ZNF429: variants seen among roughly 807,000 people sequenced by gnomAD.
ZNF429 encodes zinc finger protein 429.
ZNF429 carries 53 observed loss-of-function variants against 56.8 expected under a neutral mutation model. The observed-to-expected ratio is 0.93, with a 90% CI of 0.75 to 1.17. ZNF429 has a LOEUF of 1.17. Ranked by LOEUF, ZNF429 falls within the 50% of genes most tolerant of loss-of-function variation. The pLI is 0.00. For missense variants in ZNF429, 849 were observed against 788.4 expected (o/e 1.08, Z -0.92); for synonymous variants, 278 against 264.7 (o/e 1.05, Z -0.49).
rs753031122 is a variant in ZNF429, at chr19:21,537,163, A to G, written c.1110A>G (p.Lys370=). The change falls in exon 4 of 4, where the codon AAA becomes AAG. Residue 370 remains lysine, a synonymous_variant. Coordinates refer to ENST00000358491, the MANE Select transcript of ZNF429 (RefSeq NM_001001415.4). ...KVIHTGEKPY[K]CEECGKAFNQ... ...TTCATACTGGAGAGAAGCCCTACAA[A>G]TGTGAAGAATGTGGCAAAGCTTTTA... 4 of 1,613,920 alleles carry G rather than the reference A, an allele frequency of 2.5e-6. No homozygotes were observed. Among genetic ancestry groups the G allele is most frequent in the Non-Finnish European group, 3.4e-6 (4 of 1,179,976 alleles).
intron 1 of ZNF429, among the ~76,000 whole-genome samples, chr19:21,513,032 G>T (rs1599440573): frequency 1.3e-5 from 2 of 151,866 alleles, no homozygotes; most frequent in East Asian, 3.9e-4. Flanking sequence ...CACCATGCCC[G>T]GCTAATTTTT....
chr19:21,534,722 G>A, intron 3 of ZNF429, among the ~76,000 whole-genome samples: 1 of 151,824 alleles, frequency 6.6e-6, no homozygotes, highest in African/African-American at 2.4e-5. Flanking sequence ...AATACACCAG[G>A]TGCAAATAAG....
chr19:21,513,954 C>T (rs899322235), intron 1 of ZNF429, among the ~76,000 whole-genome samples: 2 of 152,176 alleles, frequency 1.3e-5, no homozygotes, highest in African/African-American at 4.8e-5. Flanking sequence ...TGTTCCTTCC[C>T]AGAAATGCAC....
At chr19:21,530,533 A>C in intron 2 of ZNF429, 56 bp from the exon 3 acceptor site, 47 of 1,296,012 alleles carry the variant, frequency 3.6e-5, no homozygotes, top group Non-Finnish European at 4.5e-5. Flanking sequence ...CACATTACTA[A>C]ATTGGTAATT....
At position 21,534,300 on chromosome 19, in the gene ZNF429, A is replaced by AAGTGATCCTTCCACCTTGGTGTCTAATGT; in HGVS notation, c.227-1980_227-1979insAGTGATCCTTCCACCTTGGTGTCTAATGT. Among the ~76,000 whole-genome samples, 339 of 111,088 alleles carry AAGTGATCCTTCCACCTTGGTGTCTAATGT rather than the reference A, an allele frequency of 3.1e-3. 1 individual carries two copies. Among genetic ancestry groups the AAGTGATCCTTCCACCTTGGTGTCTAATGT allele is most frequent in the South Asian group, 3.6e-3 (12 of 3,378 alleles). The allele number at this position is 111,088 out of a possible 152,430, so 72.9% of individuals were successfully genotyped here. On this transcript the variant is annotated intron_variant, in intron 3 of 3. Coordinates refer to ENST00000358491, the MANE Select transcript of ZNF429 (RefSeq NM_001001415.4). ...ATTTTCATATATTTTTGGATTTTCC[A>AAGTGATCCTTCCACCTTGGTGTCTAATGT]GTTTTACTTTTGCTTTTAGTTCCTA...
At chr19:21,535,485 TTTC>T in intron 3 of ZNF429, among the ~76,000 whole-genome samples, 12 of 124,388 alleles carry the variant, frequency 9.6e-5, no homozygotes, top group African/African-American at 3.5e-4. Context: ...TCTTTCTTTC[TTTC>T]TTTCTTTCTT....
chr19:21,535,411 CTTTTCTTTCTTTCTTTCTTT>C, intron 3 of ZNF429, among the ~76,000 whole-genome samples: 5 of 38,426 alleles, frequency 1.3e-4, no homozygotes, highest in Admixed American at 2.5e-4. Flanking sequence ...CTTTCTTTTT[CTTTTCTTTCTTTCTTTCTTT>C]CTTTCTTTCT....
chr19:21,511,970 G>T (rs1185682868), intron 1 of ZNF429, among the ~76,000 whole-genome samples: 1 of 152,118 alleles, frequency 6.6e-6, no homozygotes, highest in Non-Finnish European at 1.5e-5. Context: ...GCAGGCACTC[G>T]GCAGGCTGAG....
At chr19:21,525,406 C>A (rs576675311) in intron 1 of ZNF429, among the ~76,000 whole-genome samples, 1 of 151,986 alleles carries the variant, frequency 6.6e-6, no homozygotes, top group Admixed American at 6.6e-5. Context: ...ACTGGAAGTA[C>A]CCCCACTGGC....
At position 21,529,659 on chromosome 19, in the gene ZNF429, G is replaced by A. The variant is rs758429376; in HGVS notation, c.5G>A (p.Gly2Glu). The A allele has an allele frequency of 6.4e-7, 1 of 1,571,128 alleles. No homozygotes were observed. Among genetic ancestry groups the A allele is most frequent in the South Asian group, 1.2e-5 (1 of 86,170 alleles). Residue 2 changes from glycine to glutamate, a missense_variant and splice_region_variant, in exon 2 of 4, where the codon GGA (glycine) becomes GAA (glutamate). Physicochemically the swap from Gly to Glu is moderately conservative, Grantham distance 98 (BLOSUM62 -2). Coordinates refer to ENST00000358491, the MANE Select transcript of ZNF429 (RefSeq NM_001001415.4). M[G>E]PLTFTDVAIE... is the part of the protein sequence containing the mutation. The stretch of plus-strand genomic sequence containing the variant: ...TCTGTTGGTGTGTGTGTGTTTCAGG[G>A]ACCATTGACATTTACAGATGTGGCC...
At chr19:21,523,843 A>T (rs955358408) in intron 1 of ZNF429, among the ~76,000 whole-genome samples, 46 of 151,678 alleles carry the variant, frequency 3.0e-4, no homozygotes, top group African/African-American at 1.1e-3. Flanking sequence ...AGCAGCCTCT[A>T]TGAGGAGATC....
intron 3 of ZNF429, among the ~76,000 whole-genome samples, chr19:21,535,427 T>TCTTTCTTTCTTC: frequency 9.4e-5 from 1 of 10,666 alleles, no homozygotes; most frequent in African/African-American, 4.8e-4. Flanking sequence ...TTTCTTTCTT[T>TCTTTCTTTCTTC]CTTTCTTTCT....
chr19:21,523,674 C>T (rs2033065128), intron 1 of ZNF429, among the ~76,000 whole-genome samples: 1 of 152,204 alleles, frequency 6.6e-6, no homozygotes, highest in South Asian at 2.1e-4. Flanking sequence ...TTTGCAAATC[C>T]ACTTGTAAGT....
In ZNF429 at chr19:21,535,793, A is replaced by G; in HGVS notation, c.227-487A>G. On this transcript the variant is annotated intron_variant, in intron 3 of 3. Coordinates refer to ENST00000358491, the MANE Select transcript of ZNF429 (RefSeq NM_001001415.4). ...CCTCCAAAGTGCTGGGATTACAGGC[A>G]TGAGCCACCGCGCCTGACCAAAGTA... Among the ~76,000 whole-genome samples the G allele has an allele frequency of 7.9e-5, 12 of 152,086 alleles. No homozygotes were observed. The South Asian group carries it at 1.7e-3, about 21-fold the overall frequency.
intron 1 of ZNF429, chr19:21,521,726 G>A (rs2032991615): frequency 6.5e-6 from 1 of 152,992 alleles, no homozygotes; most frequent in Non-Finnish European, 1.5e-5. Context: ...TGTGAATTAG[G>A]TGGGCTGTCA....
intron 1 of ZNF429, among the ~76,000 whole-genome samples, chr19:21,514,174 C>T (rs1471041658): frequency 6.6e-6 from 1 of 152,174 alleles, no homozygotes; most frequent in Non-Finnish European, 1.5e-5. Context: ...TCTCCCCCAA[C>T]TAATGAAGTT....
rs530077710 is a variant in ZNF429 at position 21,524,717 on chromosome 19, C to G, written c.4-4941C>G. On this transcript the variant is annotated intron_variant, in intron 1 of 3. Transcript: ENST00000358491. ...CCATCAGCACAGGGTCACTGGGAAC[C>G]CTCTCTCAATTAGCTAGGTATATTT... Among the ~76,000 whole-genome samples the G allele has an allele frequency of 3.3e-5, 5 of 151,944 alleles. No homozygotes were observed. In the East Asian group the frequency reaches 7.8e-4, roughly 24 times the overall value.
intron 3 of ZNF429, among the ~76,000 whole-genome samples, chr19:21,535,327 CTCT>C: frequency 0.01 from 1,190 of 115,712 alleles, 94 homozygotes; most frequent in African/African-American, 0.025. Context: ...TTCTTTCTTT[CTCT>C]TTTCTTTTCT....
chr19:21,518,497 GT>G (rs1337353357), intron 1 of ZNF429: 2 of 152,170 alleles, frequency 1.3e-5, no homozygotes, highest in Admixed American at 6.5e-5. Context: ...GATGAAGATT[GT>G]TTAATTTTCA....
Sources: allele counts gnomAD v4.1 joint callset (sites outside exome capture counted in the v4.1 genomes callset), GRCh38; gene constraint gnomAD v4.1.1; transcripts MANE v1.5; gene names NCBI Gene and HGNC (gene_info 2026-07-23, HGNC 2026-07-21).